Variants in ITIH2 observed in about 807,000 individuals in gnomAD.
The protein encoded by ITIH2 is inter-alpha-trypsin inhibitor heavy chain 2.
In ITIH2, 103 loss-of-function variants were observed where a neutral mutation model predicts 104.4. The ratio of observed to expected loss-of-function variants is 0.99; its 90% CI spans 0.84 to 1.16. The LOEUF is 1.16. ITIH2 is among the 50% of genes most tolerant of loss of function. The pLI is 0.00. For synonymous variants in ITIH2, 436 were observed against 435.4 expected (o/e 1.00, Z -0.02); for missense variants, 1,108 against 1,162.4 (o/e 0.95, Z 0.68).
chr10:7,714,165 A>ATTTT (rs996413668), intron 5 of ITIH2, among the ~76,000 whole-genome samples: 1,886 of 83,990 alleles, frequency 0.022, 183 homozygotes, highest in African/African-American at 0.073. Context: ...CACACTCACT[A>ATTTT]TTTTTTTTTT....
chr10:7,734,773 C>G (rs949440600), intron 14 of ITIH2, 149 bp from the exon 15 acceptor site: 1 of 611,370 alleles, frequency 1.6e-6, no homozygotes, highest in African/African-American at 1.8e-5. Context: ...CTTCTCGAAG[C>G]CAGTGAGTTC....
chr10:7,705,184 T>C lies in ITIH2; in HGVS notation c.159+2T>C. 6.2e-7 allele frequency: 1 copy of C among 1,602,542 alleles called. No individual in the cohort carries two copies. The highest frequency in any genetic ancestry group is 8.5e-7 in the Non-Finnish European group (1 of 1,170,794). The stretch of plus-strand genomic sequence containing the variant: ...GTGGCAGAGAACCGGAGATATCAGG[T>C]ATAGTAAGGTTTACTCCCAAAAGGG... On this transcript the variant is annotated splice_donor_variant, in intron 2 of 20. Transcript: ENST00000358415. LOFTEE classifies it high-confidence loss of function.
In ITIH2 at chr10:7,743,276, T is replaced by C. The variant is rs764080312; in HGVS notation, c.2209+17T>C. 36 of 1,321,864 alleles carry C rather than the reference T, an allele frequency of 2.7e-5. No homozygotes were observed. Among genetic ancestry groups the C allele is most frequent in the Admixed American group, 3.7e-5 (2 of 53,610 alleles). The allele number at this position is 1,321,864 out of a possible 1,614,324, so 81.9% of individuals were successfully genotyped here. ...CAGAATCAGGTAAAATAAAAATAAA[T>C]TATATTTGCACCAATTAGGTCATTG... On this transcript the variant is annotated intron_variant, in intron 17 of 20. Coordinates refer to ENST00000358415, the MANE Select transcript of ITIH2 (RefSeq NM_002216.3).
rs768992056 is a variant in ITIH2, at chr10:7,732,404, G to A, written c.1714G>A (p.Asp572Asn). 6.2e-7 allele frequency: 1 copy of A among 1,614,106 alleles called. No individual in the cohort carries two copies. Among genetic ancestry groups the A allele is most frequent in the Non-Finnish European group, 8.5e-7 (1 of 1,179,994 alleles). Reference protein sequence around the residue: ...MDDLQDFLSKDKHADPDFTRK... With the variant: ...MDDLQDFLSKNKHADPDFTRK... ...CGACTTGCAGGATTTTCTATCGAAAGACAAGCATGCAGATCCCGATTTCAC... is the reference window on the plus strand; with the variant it reads ...CGACTTGCAGGATTTTCTATCGAAAAACAAGCATGCAGATCCCGATTTCAC... The change falls in exon 14 of 21, where the codon GAC (aspartate) becomes AAC (asparagine). Residue 572 changes from aspartate (D) to asparagine (N), a missense_variant. Coordinates refer to ENST00000358415, the MANE Select transcript of ITIH2 (RefSeq NM_002216.3).
At position 7,705,193 on chromosome 10, in the gene ITIH2, GT is replaced by G. The variant is rs1396123444; in HGVS notation, c.159+14del. 4 of 1,584,044 alleles carry G rather than the reference GT, an allele frequency of 2.5e-6. No individual in the cohort carries two copies. Among genetic ancestry groups the G allele is most frequent in the African/African-American group, 1.4e-5 (1 of 74,066 alleles). ...AACCGGAGATATCAGGTATAGTAAG[GT>G]TTACTCCCAAAAGGGGGAAAAAAAG... On this transcript the variant is annotated intron_variant, in intron 2 of 20. Transcript: ENST00000358415.
chr10:7,738,539 A>AT, intron 15 of ITIH2, 82 bp from the exon 16 acceptor site: 1 of 1,501,286 alleles, frequency 6.7e-7, no homozygotes, highest in South Asian at 1.1e-5. Context: ...CTGGGGGTGC[A>AT]TAAAACAGAT....
intron 11 of ITIH2, 200 bp from the exon 12 acceptor site, chr10:7,729,752 T>A: frequency 2.2e-6 from 1 of 462,566 alleles, no homozygotes; most frequent in Admixed American, 3.9e-5. Flanking sequence ...CCAAATAATG[T>A]TGCTATGCAA....
At position 7,746,709 on chromosome 10, in the gene ITIH2, G is replaced by A. The variant is rs752295864; in HGVS notation, c.2693+5G>A. The A allele has an allele frequency of 6.3e-7, 1 of 1,587,500 alleles. No homozygotes were observed. Among genetic ancestry groups the A allele is most frequent in the Non-Finnish European group, 8.6e-7 (1 of 1,156,270 alleles). ...GCAGAAGCTGATCATCACCAGGTAG[G>A]CCTCGGGCGTAAGGACAGTGACGAA... On this transcript the variant is annotated splice_donor_5th_base_variant and intron_variant, in intron 20 of 20. Transcript: ENST00000358415.
chr10:7,742,477 A>C (rs1201717237), intron 16 of ITIH2, among the ~76,000 whole-genome samples: 1 of 152,140 alleles, frequency 6.6e-6, no homozygotes, highest in African/African-American at 2.4e-5. Flanking sequence ...GAGGCGGCTC[A>C]CACCTTTAAT....
intron 4 of ITIH2, among the ~76,000 whole-genome samples, chr10:7,709,543 T>C (rs1203616539): frequency 6.6e-6 from 1 of 152,102 alleles, no homozygotes; most frequent in Non-Finnish European, 1.5e-5. Flanking sequence ...CAATGCCATC[T>C]GCCATATGTT....
intron 6 of ITIH2, 135 bp from the exon 7 acceptor site, chr10:7,720,721 G>T: frequency 1.7e-6 from 1 of 591,782 alleles, no homozygotes; most frequent in Admixed American, 2.6e-5. Flanking sequence ...GATCCTGCAG[G>T]AGAGATCGTG....
chr10:7,731,004 C>T (rs190935740), intron 12 of ITIH2, among the ~76,000 whole-genome samples: 5 of 152,228 alleles, frequency 3.3e-5, no homozygotes, highest in Admixed American at 2.6e-4. Context: ...CTGCAACCTC[C>T]GCCTCCTGGG....
intron 16 of ITIH2, 115 bp downstream of exon 16, chr10:7,738,873 G>A: frequency 9.7e-7 from 1 of 1,027,900 alleles, no homozygotes; most frequent in South Asian, 2.1e-5. Flanking sequence ...AGCACTTTGG[G>A]AGGCCAAGGC....
At chr10:7,737,567 ATATATTAAATTCTATATTC>A (rs1266361473) in intron 15 of ITIH2, among the ~76,000 whole-genome samples, 2 of 104,532 alleles carry the variant, frequency 1.9e-5, no homozygotes, top group African/African-American at 6.7e-5. Context: ...ATATAATATT[ATATATTAAATTCTATATTC>A]TATATTATAT....
At chr10:7,730,901 C>G (rs1431743035) in intron 12 of ITIH2, among the ~76,000 whole-genome samples, 1 of 152,072 alleles carries the variant, frequency 6.6e-6, no homozygotes, top group Non-Finnish European at 1.5e-5. Flanking sequence ...CAGAGTCTTG[C>G]TTTGTCACCC....
intron 16 of ITIH2, among the ~76,000 whole-genome samples, chr10:7,739,788 T>C (rs972380169): frequency 6.6e-6 from 1 of 151,456 alleles, no homozygotes; most frequent in Non-Finnish European, 1.5e-5. Flanking sequence ...ACTCAAGAGG[T>C]TGAGGTGGGA....
At position 7,746,701 on chromosome 10, in the gene ITIH2, C is replaced by T. The variant is rs776560391; in HGVS notation, c.2690C>T (p.Thr897Ile). ...GTGAAGGGGCAGAAGCTGATCATCA[C>T]CAGGTAGGCCTCGGGCGTAAGGACA... is the stretch of plus-strand genomic sequence containing the variant. ...MEVKGQKLII[T>I]RGLQKDYRTD... The change falls in exon 20 of 21, where the codon ACC becomes ATC. Residue 897 changes from threonine to isoleucine, a missense_variant. Thr to Ile is a moderately conservative substitution (Grantham distance 89, BLOSUM62 -1). Transcript: ENST00000358415. 1 of 1,601,906 alleles carries T rather than the reference C, an allele frequency of 6.2e-7. No individual in the cohort carries two copies. The highest frequency in any genetic ancestry group is 8.6e-7 in the Non-Finnish European group (1 of 1,169,184).
At chr10:7,742,253 T>G (rs1835134057) in intron 16 of ITIH2, among the ~76,000 whole-genome samples, 3 of 144,222 alleles carry the variant, frequency 2.1e-5, no homozygotes, top group African/African-American at 7.8e-5. Context: ...AGAGGGAGAG[T>G]GGGGATGGGG....
intron 6 of ITIH2, among the ~76,000 whole-genome samples, chr10:7,719,284 G>C (rs1834879149): frequency 6.6e-6 from 1 of 152,196 alleles, no homozygotes; most frequent in African/African-American, 2.4e-5. Flanking sequence ...CCGTGCTTTT[G>C]CGTGAATTGA....
Sources: allele counts gnomAD v4.1 joint callset (sites outside exome capture counted in the v4.1 genomes callset), GRCh38; gene constraint gnomAD v4.1.1; transcripts MANE v1.5; gene names NCBI Gene and HGNC (gene_info 2026-07-23, HGNC 2026-07-21).